The following GNAT3 variants were observed in gnomAD, a reference collection of about 807,000 sequenced individuals.
The protein encoded by GNAT3 is G protein subunit alpha transducin 3, also known as guanine nucleotide-binding protein G(t) subunit alpha-3.
Under a neutral mutation model 37.7 loss-of-function variants are expected in GNAT3, and 31 were observed. The observed-to-expected ratio is 0.82, with a 90% CI of 0.62 to 1.11. The LOEUF is 1.11. Among genes scored for constraint, GNAT3 ranks in the 50% most tolerant of loss-of-function variants. GNAT3 has a pLI of 0.00. For synonymous variants in GNAT3, 138 were observed against 139.8 expected (o/e 0.99, Z 0.09); for missense variants, 437 against 412.5 (o/e 1.06, Z -0.51).
In GNAT3 at chr7:80,488,530, C is replaced by A. The variant is rs140975204; in HGVS notation, c.303+5G>T. The A allele has an allele frequency of 1.3e-6, 2 of 1,598,028 alleles. No individual in the cohort carries two copies. The highest frequency in any genetic ancestry group is 1.7e-6 in the Non-Finnish European group (2 of 1,170,610). Reference sequence around the variant, plus strand: ...ACATACAGCTGTCATTATTTGCATACTTACTGCACTTCTGGGATTTACATA... The same window carrying A: ...ACATACAGCTGTCATTATTTGCATAATTACTGCACTTCTGGGATTTACATA... On this transcript the variant is annotated splice_donor_5th_base_variant and intron_variant, in intron 3 of 7. Coordinates refer to ENST00000398291, the MANE Select transcript of GNAT3 (RefSeq NM_001102386.3).
At chr7:80,475,619 T>C (rs1451120519) in intron 4 of GNAT3, among the ~76,000 whole-genome samples, 1 of 151,964 alleles carries the variant, frequency 6.6e-6, no homozygotes, top group African/African-American at 2.4e-5. Context: ...TGTTAGTCAG[T>C]GTTAAAAATT....
intron 7 of GNAT3, among the ~76,000 whole-genome samples, chr7:80,460,980 T>C (rs1051151464): frequency 2.6e-5 from 4 of 150,948 alleles, no homozygotes; most frequent in Non-Finnish European, 5.9e-5. Flanking sequence ...TCCTGTTATA[T>C]ATATAATATA....
chr7:80,487,188 A>G (rs1790502013), intron 3 of GNAT3, among the ~76,000 whole-genome samples: 1 of 152,134 alleles, frequency 6.6e-6, no homozygotes, highest in Admixed American at 6.6e-5. Flanking sequence ...TTAAAATCCT[A>G]CGTTCTTAGG....
chr7:80,474,663 A>T (rs550851728), intron 4 of GNAT3, among the ~76,000 whole-genome samples: 89 of 152,078 alleles, frequency 5.9e-4, no homozygotes, highest in African/African-American at 2.0e-3. Flanking sequence ...CACACAGCTG[A>T]CCCCCAGCGT....
chr7:80,471,984 C>T (rs950764952), intron 5 of GNAT3, among the ~76,000 whole-genome samples: 1 of 151,584 alleles, frequency 6.6e-6, no homozygotes, highest in African/African-American at 2.4e-5. Context: ...TTCATTCTTA[C>T]TCTATGCTAG....
At chr7:80,486,045 T>G (rs1372827047) in intron 3 of GNAT3, among the ~76,000 whole-genome samples, 4 of 152,180 alleles carry the variant, frequency 2.6e-5, no homozygotes, top group African/African-American at 9.7e-5. Context: ...AAATAAATAA[T>G]TGAGAGCTAA....
intron 1 of GNAT3, among the ~76,000 whole-genome samples, chr7:80,497,642 A>ACATATACGTATATG (rs1562733007): frequency 2.9e-5 from 3 of 102,754 alleles, no homozygotes; most frequent in African/African-American, 5.0e-5. Context: ...ATACGTATAT[A>ACATATACGTATATG]CATATACGTA....
Position 80,469,892 on chromosome 7 carries a change from G to A in GNAT3, c.590+4359C>T, listed in dbSNP as rs1584170509. 2.0e-5 allele frequency among the ~76,000 whole-genome samples: 3 copies of A among 151,950 alleles called. No individual in the cohort carries two copies. In the East Asian group the frequency reaches 5.8e-4, roughly 29 times the overall value. On this transcript the variant is annotated intron_variant, in intron 5 of 7. Coordinates refer to ENST00000398291, the MANE Select transcript of GNAT3 (RefSeq NM_001102386.3). ...ATTTAATGGTGAGAATTTATTAAAG[G>A]ATTAATATATCTTAATTGCTCTAAC...
chr7:80,509,833 T>G (rs962345384), intron 1 of GNAT3, among the ~76,000 whole-genome samples: 2 of 152,088 alleles, frequency 1.3e-5, no homozygotes, highest in Non-Finnish European at 2.9e-5. Flanking sequence ...TTGAACATTT[T>G]TAATTTATTT....
chr7:80,509,455 T>C (rs898969630), intron 1 of GNAT3, among the ~76,000 whole-genome samples: 5 of 152,138 alleles, frequency 3.3e-5, no homozygotes, highest in Non-Finnish European at 7.4e-5. Flanking sequence ...TACTTACTAA[T>C]GATGAAATTG....
At chr7:80,483,788 C>T (rs980302936) in intron 3 of GNAT3, among the ~76,000 whole-genome samples, 2 of 152,082 alleles carry the variant, frequency 1.3e-5, no homozygotes, top group African/African-American at 2.4e-5. Context: ...AATACCACCT[C>T]CTCAATGAAG....
intron 5 of GNAT3, among the ~76,000 whole-genome samples, chr7:80,463,489 C>T (rs1021307744): frequency 2.0e-5 from 3 of 152,012 alleles, no homozygotes; most frequent in Admixed American, 2.0e-4. Flanking sequence ...TCCAAGGTTG[C>T]TTTTTTTCTC....
chr7:80,480,720 T>C (rs990967128), intron 3 of GNAT3, among the ~76,000 whole-genome samples: 16 of 152,088 alleles, frequency 1.1e-4, no homozygotes, highest in Admixed American at 1.0e-3. Flanking sequence ...TAAACTGTCA[T>C]GGTGCTGGTG....
At chr7:80,481,127 T>C (rs1237015384) in intron 3 of GNAT3, among the ~76,000 whole-genome samples, 1 of 152,182 alleles carries the variant, frequency 6.6e-6, no homozygotes, top group Non-Finnish European at 1.5e-5. Flanking sequence ...TCACTTATTG[T>C]TAAAGAGACA....
intron 5 of GNAT3, among the ~76,000 whole-genome samples, chr7:80,467,284 C>T (rs1790142471): frequency 6.6e-6 from 1 of 152,118 alleles, no homozygotes; most frequent in South Asian, 2.1e-4. Context: ...AGGTTGAATG[C>T]TTATAATCGT....
chr7:80,487,766 G>A (rs1393325293), intron 3 of GNAT3: 2 of 152,026 alleles, frequency 1.3e-5, no homozygotes, highest in Admixed American at 6.6e-5. Flanking sequence ...CTCCTGGAGG[G>A]GACATATGGA....
At chr7:80,472,666 A>C (rs1405361434) in intron 5 of GNAT3, among the ~76,000 whole-genome samples, 3 of 152,140 alleles carry the variant, frequency 2.0e-5, no homozygotes, top group Non-Finnish European at 4.4e-5. Flanking sequence ...TAGGTATTCA[A>C]CAGGTAACAT....
intron 3 of GNAT3, among the ~76,000 whole-genome samples, chr7:80,485,445 C>T (rs1790462132): frequency 1.3e-5 from 2 of 152,130 alleles, no homozygotes; most frequent in African/African-American, 2.4e-5. Context: ...TTTCCATCCT[C>T]ATTTAATGTT....
At chr7:80,509,632 A>T (rs1791021526) in intron 1 of GNAT3, among the ~76,000 whole-genome samples, 1 of 152,094 alleles carries the variant, frequency 6.6e-6, no homozygotes, top group South Asian at 2.1e-4. Context: ...CATTGCATAC[A>T]ATAAGTTGGG....
Sources: allele counts gnomAD v4.1 joint callset (sites outside exome capture counted in the v4.1 genomes callset), GRCh38; gene constraint gnomAD v4.1.1; transcripts MANE v1.5; gene names NCBI Gene and HGNC (gene_info 2026-07-23, HGNC 2026-07-21).